The following ADCY2 variants were observed in gnomAD, a reference collection of about 807,000 sequenced individuals.
The protein encoded by ADCY2 is adenylate cyclase 2.
ADCY2 carries 31 observed loss-of-function variants against 125.2 expected under a neutral mutation model. The observed-to-expected ratio is 0.25, with a 90% CI of 0.19 to 0.33. The LOEUF is 0.33. Ranked by LOEUF, ADCY2 falls within the 10% of genes least tolerant of loss-of-function variation. The pLI is 1.00. For missense variants in ADCY2, 904 were observed against 1,418.2 expected (o/e 0.64, Z 5.82); for synonymous variants, 512 against 548.4 (o/e 0.93, Z 0.93).
intron 2 of ADCY2, among the ~76,000 whole-genome samples, chr5:7,506,783 G>A (rs1360916794): frequency 7.4e-6 from 1 of 135,582 alleles, no homozygotes; most frequent in Non-Finnish European, 1.6e-5. Flanking sequence ...TGTGTGATGC[G>A]TTGCTCTTTT....
chr5:7,582,764 A>G (rs1736477185), intron 3 of ADCY2, among the ~76,000 whole-genome samples: 1 of 152,230 alleles, frequency 6.6e-6, no homozygotes, highest in East Asian at 1.9e-4. Context: ...GAAAAATAAA[A>G]CTAACATTTT....
At chr5:7,692,321 A>G (rs925228241) in intron 5 of ADCY2, 2 of 152,212 alleles carry the variant, frequency 1.3e-5, no homozygotes, top group Non-Finnish European at 2.9e-5. Flanking sequence ...GATTAGCTAT[A>G]TAATACCCAA....
At chr5:7,738,455 T>G (rs940514781) in intron 14 of ADCY2, among the ~76,000 whole-genome samples, 8 of 151,684 alleles carry the variant, frequency 5.3e-5, no homozygotes, top group African/African-American at 1.7e-4. Context: ...ATAAAACAGA[T>G]AGTAAAATGG....
chr5:7,537,599 A>G (rs1401106541), intron 3 of ADCY2, among the ~76,000 whole-genome samples: 1 of 152,198 alleles, frequency 6.6e-6, no homozygotes, highest in Non-Finnish European at 1.5e-5. Context: ...GCCCTGGGTC[A>G]GAATGCATCA....
At chr5:7,446,320 C>A (rs1288706178) in intron 2 of ADCY2, among the ~76,000 whole-genome samples, 1 of 151,988 alleles carries the variant, frequency 6.6e-6, no homozygotes, top group Admixed American at 6.6e-5. Context: ...TTATAAAGCA[C>A]CTGTATTTGT....
rs116637466 is a variant in ADCY2, at chr5:7,593,697, C to G, written c.571-32470C>G. The stretch of plus-strand genomic sequence containing the variant: ...ATTCAACATAGATTAGCTAAATGCC[C>G]CCAGGTCCTTTTTCAAGATGTTGGG... On this transcript the variant is annotated intron_variant, in intron 3 of 24. Transcript: ENST00000338316. 2.1e-3 allele frequency among the ~76,000 whole-genome samples: 322 copies of G among 152,100 alleles called. 1 individual carries two copies. The highest frequency in any genetic ancestry group is 0.011 in the South Asian group (51 of 4,814).
intron 17 of ADCY2, among the ~76,000 whole-genome samples, chr5:7,770,817 C>A (rs11748552): frequency 0.14 from 20,792 of 152,066 alleles, 2,178 homozygotes; most frequent in East Asian, 0.62. Flanking sequence ...TTCTCAAACT[C>A]TTTGTGAAGG....
At chr5:7,626,450 C>T in intron 4 of ADCY2, 134 bp downstream of exon 4, 1 of 1,012,396 alleles carries the variant, frequency 9.9e-7, no homozygotes, top group Non-Finnish European at 1.4e-6. Flanking sequence ...GGCTCTGCAC[C>T]TGGGGAGTGT....
intron 3 of ADCY2, among the ~76,000 whole-genome samples, chr5:7,581,390 T>G (rs756161567): frequency 9.2e-5 from 14 of 152,122 alleles, no homozygotes; most frequent in South Asian, 8.3e-4. Context: ...TCATATTAGG[T>G]GTACAATATT....
intron 2 of ADCY2, among the ~76,000 whole-genome samples, chr5:7,515,902 AAGAGGACT>A (rs1744237847): frequency 6.6e-6 from 1 of 152,160 alleles, no homozygotes; most frequent in Middle Eastern, 3.2e-3. Flanking sequence ...AAAGCCAATG[AAGAGGACT>A]AGAGGGTGTG....
In ADCY2 at chr5:7,435,459, G is replaced by T. The variant is rs148162604; in HGVS notation, c.408+20689G>T. 3.2e-3 allele frequency among the ~76,000 whole-genome samples: 482 copies of T among 152,246 alleles called. 1 individual carries two copies. Among genetic ancestry groups the T allele is most frequent in the African/African-American group, 0.011 (458 of 41,550 alleles). On this transcript the variant is annotated intron_variant, in intron 2 of 24. Coordinates refer to ENST00000338316, the MANE Select transcript of ADCY2 (RefSeq NM_020546.3). ...TCAGAATTTCCAGCAGAAATGCCCA[G>T]CAAGTTCTAGATTCTGTGACCAGCA...
At chr5:7,484,150 A>G (rs557422276) in intron 2 of ADCY2, among the ~76,000 whole-genome samples, 1 of 152,342 alleles carries the variant, frequency 6.6e-6, no homozygotes, top group African/African-American at 2.4e-5. Flanking sequence ...TAAATCAATT[A>G]TAATGTCCCA....
chr5:7,710,599 T>A (rs758767288), intron 10 of ADCY2, among the ~76,000 whole-genome samples: 1 of 152,024 alleles, frequency 6.6e-6, no homozygotes, highest in Non-Finnish European at 1.5e-5. Flanking sequence ...GAGTGTGGTG[T>A]CCCCTGGAGA....
chr5:7,703,153 CA>C (rs1263418741), intron 7 of ADCY2, among the ~76,000 whole-genome samples: 2 of 151,852 alleles, frequency 1.3e-5, no homozygotes, highest in Non-Finnish European at 2.9e-5. Context: ...GAGTAGATTG[CA>C]AAAATTTTCT....
intron 4 of ADCY2, among the ~76,000 whole-genome samples, chr5:7,628,436 A>G (rs913931978): frequency 6.6e-6 from 1 of 152,160 alleles, no homozygotes; most frequent in African/African-American, 2.4e-5. Context: ...CTGAAAGCAC[A>G]TGGCATCCCT....
At chr5:7,739,222 AGTCTGAC>A (rs1327813545) in intron 14 of ADCY2, among the ~76,000 whole-genome samples, 6 of 152,020 alleles carry the variant, frequency 3.9e-5, no homozygotes, top group Admixed American at 3.9e-4. Flanking sequence ...AAAATCATAT[AGTCTGAC>A]GTCTAACCAC....
In ADCY2 at chr5:7,459,772, A is replaced by ATTTTT. The variant is rs3033085; in HGVS notation, c.408+45031_408+45035dup. 4.7e-3 allele frequency among the ~76,000 whole-genome samples: 341 copies of ATTTTT among 72,872 alleles called. 26 individuals carry two copies. Among genetic ancestry groups the ATTTTT allele is most frequent in the African/African-American group, 0.01 (170 of 16,352 alleles). 47.8% of individuals were successfully genotyped at this position (72,872 alleles called of 152,430 possible). On this transcript the variant is annotated intron_variant, in intron 2 of 24. Coordinates refer to ENST00000338316, the MANE Select transcript of ADCY2 (RefSeq NM_020546.3). The stretch of plus-strand genomic sequence containing the variant: ...GAACTATCTAGCAGTTTAAGAGGTA[A>ATTTTT]TTTTTTTTTTTTTTTTTTTTTTTTT...
intron 2 of ADCY2, among the ~76,000 whole-genome samples, chr5:7,447,691 G>A (rs1741321518): frequency 6.6e-6 from 1 of 152,228 alleles, no homozygotes; most frequent in Non-Finnish European, 1.5e-5. Context: ...TATTCTGAGA[G>A]CAGGAAGAGA....
intron 2 of ADCY2, among the ~76,000 whole-genome samples, chr5:7,489,814 A>AGT (rs367962359): frequency 7.1e-4 from 107 of 150,844 alleles, no homozygotes; most frequent in East Asian, 1.6e-3. Context: ...TTTCTGCTTC[A>AGT]GTGTGTGTGT....
Sources: gnomAD v4.1 joint callset for allele counts (sites outside exome capture counted in the v4.1 genomes callset) on GRCh38, gnomAD v4.1.1 for gene constraint, MANE v1.5 for transcripts, NCBI Gene and HGNC (gene_info 2026-07-23, HGNC 2026-07-21) for gene names.